Variants in DCHS2 observed in about 807,000 individuals in gnomAD.
DCHS2 encodes protocadherin-23.
In DCHS2, 142 loss-of-function variants were observed where a neutral mutation model predicts 182.4. The ratio of observed to expected loss-of-function variants is 0.78; its 90% CI spans 0.68 to 0.89. DCHS2 has a LOEUF of 0.89. DCHS2 is among the 40% of genes least tolerant of loss of function. DCHS2 has a pLI of 0.00. For synonymous variants in DCHS2, 1,740 were observed against 1,663.3 expected (o/e 1.05, Z -1.12); for missense variants, 4,319 against 4,198.6 (o/e 1.03, Z -0.79).
At chr4:154,274,384 T>G (rs1733736031) in intron 13 of DCHS2, among the ~76,000 whole-genome samples, 2 of 152,162 alleles carry the variant, frequency 1.3e-5, no homozygotes, top group South Asian at 4.1e-4. Flanking sequence ...CCTCTTTTGT[T>G]TCTAACCCTT....
intron 12 of DCHS2, among the ~76,000 whole-genome samples, chr4:154,301,986 C>G (rs1357561163): frequency 2.0e-5 from 3 of 152,084 alleles, no homozygotes; most frequent in African/African-American, 7.2e-5. Flanking sequence ...TAATAACAAT[C>G]TAATATAATT....
chr4:154,394,150 G>C (rs17314785), intron 1 of DCHS2, among the ~76,000 whole-genome samples: 42,568 of 152,046 alleles, frequency 0.28, 7,663 homozygotes, highest in Non-Finnish European at 0.41. Context: ...CTTCATAACT[G>C]TTATCAATGA....
At chr4:154,356,568 A>T (rs997537460) in intron 3 of DCHS2, among the ~76,000 whole-genome samples, 3 of 152,296 alleles carry the variant, frequency 2.0e-5, no homozygotes, top group African/African-American at 7.2e-5. Context: ...TCAGTGCCCT[A>T]TACAGGTGTA....
At chr4:154,324,114 C>T (rs2111343728) in intron 7 of DCHS2, among the ~76,000 whole-genome samples, 1 of 152,296 alleles carries the variant, frequency 6.6e-6, no homozygotes, top group African/African-American at 2.4e-5. Context: ...CACCAATGTT[C>T]CAACTATGAT....
intron 1 of DCHS2, among the ~76,000 whole-genome samples, chr4:154,486,992 T>C (rs1047061779): frequency 1.3e-5 from 2 of 152,202 alleles, no homozygotes; most frequent in East Asian, 3.9e-4. Flanking sequence ...CTACCACATA[T>C]GGAGTTGTAA....
chr4:154,351,176 G>A (rs1729593096), intron 3 of DCHS2, among the ~76,000 whole-genome samples: 1 of 152,178 alleles, frequency 6.6e-6, no homozygotes, highest in Non-Finnish European at 1.5e-5. Context: ...GTGGGAAAAA[G>A]GGGGCAATTG....
At chr4:154,267,273 T>C (rs1163606521) in intron 14 of DCHS2, among the ~76,000 whole-genome samples, 3 of 152,216 alleles carry the variant, frequency 2.0e-5, no homozygotes, top group Non-Finnish European at 2.9e-5. Flanking sequence ...TGTGTGACCT[T>C]GATAAACCAA....
intron 7 of DCHS2, among the ~76,000 whole-genome samples, chr4:154,325,590 A>C (rs547221005): frequency 1.3e-5 from 2 of 152,122 alleles, no homozygotes; most frequent in South Asian, 4.1e-4. Context: ...ACAAAAGGGA[A>C]GACAAAAAAA....
rs777079328 is a variant in DCHS2, at chr4:154,366,413, C to T, written c.2273G>A (p.Arg758His). The T allele has an allele frequency of 6.2e-6, 10 of 1,613,414 alleles. No individual in the cohort carries two copies. Among genetic ancestry groups the T allele is most frequent in the Middle Eastern group, 1.6e-4 (1 of 6,070 alleles). ...GGGLSAQAFV[R>H]VDLEDVNDNH... ...ATCATTCACGTCCTCCAGGTCCACACGAACAAAGGCTTGGGCACTTAGCCC... is the reference window on the plus strand; with the variant it reads ...ATCATTCACGTCCTCCAGGTCCACATGAACAAAGGCTTGGGCACTTAGCCC... The change falls in exon 3 of 20, where the codon CGT becomes CAT. Residue 758 changes from arginine (R) to histidine (H), a missense_variant. Physicochemically the swap from Arg to His is conservative, Grantham distance 29. Coordinates refer to ENST00000357232, the MANE Select transcript of DCHS2 (RefSeq NM_001358235.2).
intron 1 of DCHS2, among the ~76,000 whole-genome samples, chr4:154,442,806 C>G (rs1560761367): frequency 6.6e-6 from 1 of 152,070 alleles, no homozygotes; most frequent in South Asian, 2.1e-4. Context: ...GAAGATTTTG[C>G]TATGGTTCCC....
At chr4:154,484,042 C>G (rs1191304125) in intron 1 of DCHS2, among the ~76,000 whole-genome samples, 1 of 152,172 alleles carries the variant, frequency 6.6e-6, no homozygotes, top group Non-Finnish European at 1.5e-5. Flanking sequence ...CTCGAGAGAG[C>G]CAGCATCTTT....
chr4:154,295,389 A>G (rs1734875461), intron 13 of DCHS2, among the ~76,000 whole-genome samples: 1 of 152,230 alleles, frequency 6.6e-6, no homozygotes, highest in Non-Finnish European at 1.5e-5. Context: ...CAAAATAGCA[A>G]TGACAGATAA....
Position 154,237,099 on chromosome 4 carries a change from A to G in DCHS2, c.7553T>C (p.Leu2518Pro). The change falls in exon 20 of 20, where the codon CTT becomes CCT. Residue 2518 changes from leucine to proline, a missense_variant. Physicochemically the swap from Leu to Pro is moderately conservative, Grantham distance 98. Transcript: ENST00000357232. ...ATTTCCACCATCACTGGCTTCCACA[A>G]GAAATTGAGTTGTTGATATTGTATC... ...LLDTISTTQF[L>P]VEASDGGNPD... is the part of the protein sequence containing the mutation. 2 of 1,613,658 alleles carry G rather than the reference A, an allele frequency of 1.2e-6. No homozygotes were observed. Among genetic ancestry groups the G allele is most frequent in the Non-Finnish European group, 1.7e-6 (2 of 1,179,888 alleles).
intron 1 of DCHS2, among the ~76,000 whole-genome samples, chr4:154,459,924 C>T (rs1249270612): frequency 6.6e-6 from 1 of 151,642 alleles, no homozygotes; most frequent in African/African-American, 2.4e-5. Context: ...AGGGTCTTCC[C>T]AACATTAAAT....
At chr4:154,449,192 A>G (rs1272642441) in intron 1 of DCHS2, among the ~76,000 whole-genome samples, 1 of 142,892 alleles carries the variant, frequency 7.0e-6, no homozygotes, top group East Asian at 2.2e-4. Context: ...ACATGATAAA[A>G]TTTGTCACTT....
chr4:154,310,620 GCTGTTTT>G (rs1735633123), intron 10 of DCHS2, among the ~76,000 whole-genome samples: 1 of 152,184 alleles, frequency 6.6e-6, no homozygotes, highest in South Asian at 2.1e-4. Context: ...CAGAATGGGT[GCTGTTTT>G]CTGTAGACTG....
intron 15 of DCHS2, 72 bp from the exon 16 acceptor site, chr4:154,255,742 A>C: frequency 6.8e-7 from 1 of 1,465,830 alleles, no homozygotes; most frequent in South Asian, 1.6e-5. Flanking sequence ...TTTCAGAGAC[A>C]TGCATTAAGA....
intron 14 of DCHS2, among the ~76,000 whole-genome samples, chr4:154,263,302 A>G (rs11099944): frequency 0.45 from 68,630 of 151,802 alleles, 16,188 homozygotes; most frequent in African/African-American, 0.58. Flanking sequence ...CTTGACAGCA[A>G]TATGTTAAAC....
Position 154,314,856 on chromosome 4 carries a change from T to TC in DCHS2, c.5260+891dup, listed in dbSNP as rs200670005. Reference sequence around the variant, plus strand: ...TTCATATTTACATTAGTTCAGTGTTTCACATGTGAATGGGAATATAAACTA... The same window carrying TC: ...TTCATATTTACATTAGTTCAGTGTTTCCACATGTGAATGGGAATATAAACTA... On this transcript the variant is annotated intron_variant, in intron 10 of 19. Transcript: ENST00000357232. Among the ~76,000 whole-genome samples, 673 of 152,316 alleles carry TC rather than the reference T, an allele frequency of 4.4e-3. 4 individuals are homozygous for TC. Among genetic ancestry groups the TC allele is most frequent in the African/African-American group, 0.015 (636 of 41,586 alleles).
Sources: allele counts gnomAD v4.1 joint callset (sites outside exome capture counted in the v4.1 genomes callset), GRCh38; gene constraint gnomAD v4.1.1; transcripts MANE v1.5; gene names NCBI Gene and HGNC (gene_info 2026-07-23, HGNC 2026-07-21).